Variants in RHBDL3 observed in about 807,000 individuals in gnomAD.
RHBDL3 encodes rhomboid like 3, also known as rhomboid-related protein 3.
Under a neutral mutation model 48.2 loss-of-function variants are expected in RHBDL3, and 28 were observed. The observed-to-expected ratio is 0.58, with a 90% CI of 0.43 to 0.80. The LOEUF (loss-of-function observed/expected upper bound fraction) is 0.80, where lower values mean the gene tolerates loss of function less well. Among genes scored for constraint, RHBDL3 ranks in the 30% least tolerant of loss-of-function variants. The pLI is 0.00. For missense variants in RHBDL3, 464 were observed against 542.7 expected, an observed-to-expected ratio of 0.85 and a Z score of 1.44; for synonymous variants, 208 against 232.3, an observed-to-expected ratio of 0.90 and a Z score of 0.95.
rs919503978 is a variant in RHBDL3, at chr17:32,308,595, C to A, written c.882+3154C>A. Among the ~76,000 whole-genome samples, 19 of 152,224 alleles carry A rather than the reference C, an allele frequency of 1.2e-4. 1 individual carries two copies. Among genetic ancestry groups the A allele is most frequent in the Admixed American group, 9.8e-4 (15 of 15,296 alleles). ...CATCACTGCACTCCAGCCAGGGCAA[C>A]AGAGTGAAGCCCTGTCTCAAAAAAA... On this transcript the variant is annotated intron_variant, in intron 7 of 8. Transcript: ENST00000269051.
intron 7 of RHBDL3, among the ~76,000 whole-genome samples, chr17:32,312,524 TTG>T (rs2040868077): frequency 6.6e-6 from 1 of 151,780 alleles, no homozygotes; most frequent in Non-Finnish European, 1.5e-5. Context: ...ACTTTTTGTT[TTG>T]TTGTTGTTTT....
chr17:32,294,495 G>T, intron 5 of RHBDL3, 53 bp downstream of exon 5: 6 of 1,513,788 alleles, frequency 4.0e-6, no homozygotes, highest in South Asian at 1.2e-5. Context: ...AAAAATAAGT[G>T]GTCAAGATAG....
At chr17:32,291,538 G>A (rs1489642533) in intron 4 of RHBDL3, among the ~76,000 whole-genome samples, 1 of 147,308 alleles carries the variant, frequency 6.8e-6, no homozygotes, top group South Asian at 2.2e-4. Flanking sequence ...AAAATTAGTC[G>A]TGTATCATGG....
intron 4 of RHBDL3, among the ~76,000 whole-genome samples, chr17:32,291,790 T>TA (rs1288778763): frequency 7.0e-6 from 1 of 142,294 alleles, no homozygotes; most frequent in Non-Finnish European, 1.5e-5. Flanking sequence ...TTTTTTTTTT[T>TA]AGACAGAGTC....
intron 8 of RHBDL3, among the ~76,000 whole-genome samples, chr17:32,319,950 G>T: frequency 6.6e-6 from 1 of 152,066 alleles, no homozygotes; most frequent in Admixed American, 6.5e-5. Context: ...AAGAAGCGTG[G>T]ATTGGTGATC....
chr17:32,267,344 C>A (rs564959022), intron 1 of RHBDL3, among the ~76,000 whole-genome samples: 1 of 151,080 alleles, frequency 6.6e-6, no homozygotes, highest in African/African-American at 2.5e-5. Context: ...TCACCACCCC[C>A]CCTTCCCCGC....
chr17:32,279,687 G>A (rs572954317), intron 2 of RHBDL3, among the ~76,000 whole-genome samples: 2 of 152,306 alleles, frequency 1.3e-5, no homozygotes, highest in East Asian at 1.9e-4. Context: ...TCTACCCCCC[G>A]TTTCCGTATG....
At position 32,321,462 on chromosome 17, in the gene RHBDL3, C is replaced by T; in HGVS notation, c.*233C>T. Reference sequence around the variant, plus strand: ...TCGTTTTTCTCGGCTGCTCTGATGACATCGGGCCAGGGTGAAGGTCTGGGG... The same window carrying T: ...TCGTTTTTCTCGGCTGCTCTGATGATATCGGGCCAGGGTGAAGGTCTGGGG... On this transcript the variant is annotated 3_prime_UTR_variant, in exon 9 of 9. Transcript: ENST00000269051. 8.1e-7 allele frequency: 1 copy of T among 1,236,060 alleles called. No homozygotes were observed. Among genetic ancestry groups the T allele is most frequent in the South Asian group, 1.4e-5 (1 of 69,338 alleles). The allele number at this position is 1,236,060 out of a possible 1,614,324, so 76.6% of individuals were successfully genotyped here. A position where few individuals can be genotyped will look rare whatever the true frequency, so the allele number is the denominator to read the frequency against.
chr17:32,275,126 G>T (rs1426838974), intron 2 of RHBDL3, among the ~76,000 whole-genome samples: 1 of 152,148 alleles, frequency 6.6e-6, no homozygotes, highest in Non-Finnish European at 1.5e-5. Context: ...AGCAGTTTAG[G>T]CTGAAGGGGA....
chr17:32,268,082 C>T (rs1199745069), intron 2 of RHBDL3, among the ~76,000 whole-genome samples, 157 bp downstream of exon 2: 1 of 152,146 alleles, frequency 6.6e-6, no homozygotes. Flanking sequence ...CGACACTGCT[C>T]TCCAGGTATC....
chr17:32,283,782 A>G (rs1324982872), intron 2 of RHBDL3, among the ~76,000 whole-genome samples: 1 of 152,140 alleles, frequency 6.6e-6, no homozygotes, highest in Non-Finnish European at 1.5e-5. Flanking sequence ...TGTGATACCG[A>G]CCCGCGAGGC....
chr17:32,283,320 T>TC (rs2040104183), intron 2 of RHBDL3, among the ~76,000 whole-genome samples: 1 of 136,146 alleles, frequency 7.3e-6, no homozygotes, highest in Admixed American at 7.2e-5. Flanking sequence ...TTTTCTTCTT[T>TC]TTTTTTTTTT....
intron 8 of RHBDL3, among the ~76,000 whole-genome samples, chr17:32,319,832 A>C (rs1329098808): frequency 6.6e-6 from 1 of 152,162 alleles, no homozygotes; most frequent in Non-Finnish European, 1.5e-5. Context: ...TCATCTGTAA[A>C]ATGGGAATAA....
Position 32,321,495 on chromosome 17 carries a change from T to A in RHBDL3, c.*266T>A. ...CAGGGTGAAGGTCTGGGGTGGGGTGTGAGAGTGGCCCTCCCTCACCTGGGC... is the reference window on the plus strand; with the variant it reads ...CAGGGTGAAGGTCTGGGGTGGGGTGAGAGAGTGGCCCTCCCTCACCTGGGC... On this transcript the variant is annotated 3_prime_UTR_variant, in exon 9 of 9. Coordinates refer to ENST00000269051, the MANE Select transcript of RHBDL3 (RefSeq NM_138328.3). 1.2e-6 allele frequency: 1 copy of A among 863,244 alleles called. No individual in the cohort carries two copies. The highest frequency in any genetic ancestry group is 1.7e-6 in the Non-Finnish European group (1 of 581,238). The allele number at this position is 863,244 out of a possible 1,614,324, so 53.5% of individuals were successfully genotyped here. A position where few individuals can be genotyped will look rare whatever the true frequency, so the allele number is the denominator to read the frequency against.
chr17:32,267,209 C>G lies in RHBDL3; in HGVS notation c.112-693C>G, dbSNP rs2039653767. Among the ~76,000 whole-genome samples, 3 of 152,208 alleles carry G rather than the reference C, an allele frequency of 2.0e-5. No homozygotes were observed. The South Asian group carries it at 6.2e-4, about 32-fold the overall frequency. ...GTTGGGGGGTAGTTTACGATCTTCT[C>G]TCTTTGGCGTCTGCGGTTAAATCTA... is the stretch of plus-strand genomic sequence containing the variant. On this transcript the variant is annotated intron_variant, in intron 1 of 8. Coordinates refer to ENST00000269051, the MANE Select transcript of RHBDL3 (RefSeq NM_138328.3).
chr17:32,279,620 T>C (rs181172116), intron 2 of RHBDL3, among the ~76,000 whole-genome samples: 5 of 152,300 alleles, frequency 3.3e-5, no homozygotes, highest in African/African-American at 9.6e-5. Context: ...TGTGCAAAGA[T>C]TCCAAATAGA....
rs987737627 is a variant in RHBDL3, at chr17:32,271,321, T to G, written c.135+3396T>G. 2.0e-5 allele frequency among the ~76,000 whole-genome samples: 3 copies of G among 152,162 alleles called. 1 individual carries two copies. The South Asian group carries it at 6.2e-4, about 31-fold the overall frequency. ...GTTTGAGAAATGTTATTTGGTAAAT[T>G]TTTGTGTGTGGTTGGGTTGATATTT... On this transcript the variant is annotated intron_variant, in intron 2 of 8. Coordinates refer to ENST00000269051, the MANE Select transcript of RHBDL3 (RefSeq NM_138328.3).
At chr17:32,304,123 C>G (rs752518178) in intron 6 of RHBDL3, among the ~76,000 whole-genome samples, 1 of 152,192 alleles carries the variant, frequency 6.6e-6, no homozygotes, top group Non-Finnish European at 1.5e-5. Flanking sequence ...TGCTCAGCTT[C>G]CCTCCCAGGA....
In RHBDL3 at chr17:32,294,306, C is replaced by T. The variant is rs2150724763; in HGVS notation, c.532C>T (p.Leu178Phe). The change falls in exon 5 of 9, where the codon CTC becomes TTC. Residue 178 changes from leucine to phenylalanine, a missense_variant. Transcript: ENST00000269051. The stretch of plus-strand genomic sequence containing the variant: ...CTCTTCTGTCCAGGTTGCCTTTTTC[C>T]TCTACAATGGGGTGTCACTAGGTCA... ...TVTLLEVAFF[L>F]YNGVSLGQFV... is the part of the protein sequence containing the mutation. The T allele has an allele frequency of 1.2e-6, 2 of 1,613,234 alleles. No homozygotes were observed. Among genetic ancestry groups the T allele is most frequent in the Non-Finnish European group, 1.7e-6 (2 of 1,179,702 alleles).
Sources: gnomAD v4.1 joint callset for allele counts (sites outside exome capture counted in the v4.1 genomes callset) on GRCh38, gnomAD v4.1.1 for gene constraint, MANE v1.5 for transcripts, NCBI Gene and HGNC (gene_info 2026-07-23, HGNC 2026-07-21) for gene names.